CTNNA2: variants seen among roughly 807,000 people sequenced by gnomAD.
CTNNA2 encodes catenin alpha 2.
CTNNA2 carries 42 observed loss-of-function variants against 101.0 expected under a neutral mutation model. The ratio of observed to expected loss-of-function variants is 0.42; its 90% confidence interval spans 0.32 to 0.54. CTNNA2 has a LOEUF of 0.54. Ranked by LOEUF, CTNNA2 falls within the 20% of genes least tolerant of loss-of-function variation. The pLI, the probability that CTNNA2 is intolerant of heterozygous loss-of-function variation, is 0.14. For synonymous variants in CTNNA2, 450 were observed against 456.4 expected, an observed-to-expected ratio of 0.99 and a Z score of 0.18; for missense variants, 871 against 1,223.1, an observed-to-expected ratio of 0.71 and a Z score of 4.29.
At position 80,117,648 on chromosome 2, in the gene CTNNA2, T is replaced by G. The variant is rs1240558246; in HGVS notation, c.1056+207851T>G. Among the ~76,000 whole-genome samples, 3 of 152,220 alleles carry G rather than the reference T, an allele frequency of 2.0e-5. No homozygotes were observed. In the East Asian group the frequency reaches 5.8e-4, roughly 29 times the overall value. On this transcript the variant is annotated intron_variant, in intron 7 of 18. Coordinates refer to ENST00000402739, the MANE Select transcript of CTNNA2 (RefSeq NM_001282597.3). ...GTCACAGCTGGCTTTTCCAGGCCAG[T>G]TGGCTGGAGGTAAGAGTACCATCTG...
At chr2:79,534,821 T>G (rs1252676279) in intron 1 of CTNNA2, among the ~76,000 whole-genome samples, 1 of 151,976 alleles carries the variant, frequency 6.6e-6, no homozygotes, top group Non-Finnish European at 1.5e-5. Context: ...CTTTCAAATA[T>G]GTCAAGTTCT....
chr2:79,239,890 A>G lies in CTNNA2; in HGVS notation c.-406+41814A>G, dbSNP rs1674602450. Reference sequence around the variant, plus strand: ...AGAAAGAAGGAAGATTAGTTTGTTAATTGGGGCAGTAGAGGAATACATTTA... The same window carrying G: ...AGAAAGAAGGAAGATTAGTTTGTTAGTTGGGGCAGTAGAGGAATACATTTA... On this transcript the variant is annotated intron_variant, in intron 2 of 21. Transcript: ENST00000466387. 5.3e-5 allele frequency among the ~76,000 whole-genome samples: 8 copies of G among 151,906 alleles called. 1 individual carries two copies. The South Asian group carries it at 1.7e-3, about 32-fold the overall frequency.
At chr2:79,190,075 A>G (rs1421923404) in intron 1 of CTNNA2, among the ~76,000 whole-genome samples, 2 of 152,136 alleles carry the variant, frequency 1.3e-5, no homozygotes, top group Non-Finnish European at 2.9e-5. Flanking sequence ...TTTTAATGAA[A>G]TTTATTTAGT....
chr2:80,150,219 G>GAC (rs1229791393), intron 7 of CTNNA2, among the ~76,000 whole-genome samples: 1 of 152,144 alleles, frequency 6.6e-6, no homozygotes, highest in Non-Finnish European at 1.5e-5. Context: ...TGTGAGCCCA[G>GAC]ACTCTCTCTC....
intron 8 of CTNNA2, among the ~76,000 whole-genome samples, chr2:80,401,555 C>G (rs969263861): frequency 2.0e-5 from 3 of 152,174 alleles, no homozygotes; most frequent in Admixed American, 2.0e-4. Flanking sequence ...CTTAAAATCT[C>G]TGTCATAACA....
chr2:79,611,339 A>G (rs1291264435), intron 1 of CTNNA2, among the ~76,000 whole-genome samples: 3 of 152,126 alleles, frequency 2.0e-5, no homozygotes, highest in Admixed American at 2.0e-4. Flanking sequence ...TGTTTCACAC[A>G]TTTCACTTTT....
chr2:79,716,948 GA>G (rs1686147765), intron 2 of CTNNA2, among the ~76,000 whole-genome samples: 1 of 152,148 alleles, frequency 6.6e-6, no homozygotes, highest in Admixed American at 6.5e-5. Flanking sequence ...ATGTTGGAAG[GA>G]AAAAAGGTGC....
chr2:79,605,069 C>T (rs1677795824), intron 1 of CTNNA2, among the ~76,000 whole-genome samples: 1 of 149,854 alleles, frequency 6.7e-6, no homozygotes, highest in Non-Finnish European at 1.5e-5. Context: ...AGAATGGACA[C>T]AAATGTTAAA....
chr2:79,371,505 C>A (rs1295006335), intron 3 of CTNNA2, among the ~76,000 whole-genome samples: 2 of 152,052 alleles, frequency 1.3e-5, no homozygotes, highest in African/African-American at 4.8e-5. Context: ...ACATGTAGAA[C>A]CAAGAGATGA....
intron 7 of CTNNA2, among the ~76,000 whole-genome samples, chr2:80,198,883 T>C (rs1329088108): frequency 2.0e-5 from 3 of 152,070 alleles, no homozygotes; most frequent in Non-Finnish European, 2.9e-5. Flanking sequence ...AACTGTCCTT[T>C]AGAATTGCAG....
At position 79,213,678 on chromosome 2, in the gene CTNNA2, T is replaced by C. The variant is rs1197196484; in HGVS notation, c.-406+15602T>C. Among the ~76,000 whole-genome samples, 6 of 152,056 alleles carry C rather than the reference T, an allele frequency of 3.9e-5. 1 individual carries two copies. In the South Asian group the frequency reaches 8.3e-4, roughly 21 times the overall value. ...GAATGTCAGGTGGATCAGACAGATA[T>C]AGTCATGAGGGTCAGCTGTGGTATC... On this transcript the variant is annotated intron_variant, in intron 2 of 21. Transcript: ENST00000466387.
At chr2:80,603,227 A>G (rs1697709126) in intron 15 of CTNNA2, among the ~76,000 whole-genome samples, 2 of 152,180 alleles carry the variant, frequency 1.3e-5, no homozygotes, top group Admixed American at 1.3e-4. Flanking sequence ...TAAGGGAAAG[A>G]AAAGTTATTA....
At chr2:80,220,691 C>G (rs1274488697) in intron 7 of CTNNA2, among the ~76,000 whole-genome samples, 1 of 152,236 alleles carries the variant, frequency 6.6e-6, no homozygotes, top group Non-Finnish European at 1.5e-5. Flanking sequence ...TTCTGTTGGA[C>G]TTCTTGCTGC....
intron 1 of CTNNA2, among the ~76,000 whole-genome samples, chr2:79,532,793 C>G (rs1672823834): frequency 7.7e-6 from 1 of 129,170 alleles, no homozygotes; most frequent in East Asian, 2.2e-4. Flanking sequence ...GCACCTGCAC[C>G]TGATTAATTT....
At chr2:79,782,937 G>T (rs531329471) in intron 3 of CTNNA2, among the ~76,000 whole-genome samples, 2 of 150,922 alleles carry the variant, frequency 1.3e-5, no homozygotes, top group South Asian at 4.2e-4. Flanking sequence ...CATAAATTTA[G>T]TATGTTTTCT....
At chr2:79,326,911 G>A (rs1676760506) in intron 3 of CTNNA2, among the ~76,000 whole-genome samples, 1 of 152,132 alleles carries the variant, frequency 6.6e-6, no homozygotes, top group Admixed American at 6.5e-5. Flanking sequence ...CCACATAGTG[G>A]GGAGGCTGGT....
At chr2:79,659,012 A>G (rs1482894917) in intron 2 of CTNNA2, among the ~76,000 whole-genome samples, 1 of 152,004 alleles carries the variant, frequency 6.6e-6, no homozygotes, top group Admixed American at 6.6e-5. Context: ...AAAGTAATCA[A>G]TTTTCTCCCT....
chr2:79,915,619 A>T (rs1199651356), intron 7 of CTNNA2, among the ~76,000 whole-genome samples: 2 of 152,216 alleles, frequency 1.3e-5, no homozygotes, highest in Admixed American at 1.3e-4. Flanking sequence ...GTGACTAGGA[A>T]CAAAATGAGA....
intron 7 of CTNNA2, among the ~76,000 whole-genome samples, chr2:80,053,727 A>G (rs1697032070): frequency 6.6e-6 from 1 of 152,212 alleles, no homozygotes; most frequent in South Asian, 2.1e-4. Context: ...ATGCTGGTCC[A>G]CTGAACACAC....
Sources: allele counts gnomAD v4.1 joint callset (sites outside exome capture counted in the v4.1 genomes callset), GRCh38; gene constraint gnomAD v4.1.1; transcripts MANE v1.5; gene names NCBI Gene and HGNC (gene_info 2026-07-23, HGNC 2026-07-21).